Variants in PRPF39 observed in about 807,000 individuals in gnomAD.
PRPF39 encodes pre-mRNA-processing factor 39.
Under a neutral mutation model 82.1 loss-of-function variants are expected in PRPF39, and 27 were observed. That is an observed-to-expected ratio of 0.33 (90% confidence interval 0.24 to 0.45). The LOEUF (loss-of-function observed/expected upper bound fraction) is 0.45, where lower values mean the gene tolerates loss of function less well. PRPF39 is among the 20% of genes least tolerant of loss of function. The pLI is 1.00. For missense variants in PRPF39, 581 were observed against 796.9 expected, an observed-to-expected ratio of 0.73 and a Z score of 3.26; for synonymous variants, 261 against 256.4, an observed-to-expected ratio of 1.02 and a Z score of -0.17.
At chr14:45,096,745 C>A in intron 3 of PRPF39, 142 bp from the exon 4 acceptor site, 1 of 1,534,580 alleles carries the variant, frequency 6.5e-7, no homozygotes, top group Non-Finnish European at 8.8e-7. Context: ...TTCTATCCAA[C>A]CTCCACCCAA....
chr14:45,104,175 A>G (rs2139055696), intron 5 of PRPF39, among the ~76,000 whole-genome samples: 1 of 152,196 alleles, frequency 6.6e-6, no homozygotes, highest in Admixed American at 6.5e-5. Context: ...TAAATATCCC[A>G]CTAGGCTTTT....
Position 45,108,398 on chromosome 14 carries a change from C to A in PRPF39, c.904-17C>A. ...TACAGTTTGTGAGATTTATTTTTTT[C>A]CCTTTTTCTTCCCAAGCTAATTACA... On this transcript the variant is annotated splice_polypyrimidine_tract_variant and intron_variant, in intron 6 of 13. Transcript: ENST00000355765. 1.9e-6 allele frequency: 3 copies of A among 1,555,040 alleles called. No individual in the cohort carries two copies. Among genetic ancestry groups the A allele is most frequent in the Non-Finnish European group, 2.6e-6 (3 of 1,158,984 alleles).
chr14:45,098,128 A>G (rs1447138778), intron 4 of PRPF39, among the ~76,000 whole-genome samples: 2 of 152,082 alleles, frequency 1.3e-5, no homozygotes, highest in African/African-American at 2.4e-5. Context: ...TAAATCCATA[A>G]ATAAGGATGG....
At chr14:45,090,025 T>C (rs894091027) in intron 1 of PRPF39, among the ~76,000 whole-genome samples, 19 of 152,220 alleles carry the variant, frequency 1.2e-4, no homozygotes, top group African/African-American at 4.3e-4. Flanking sequence ...AAGAAACCCT[T>C]ATGTCTCACC....
intron 4 of PRPF39, among the ~76,000 whole-genome samples, chr14:45,097,409 C>CT (rs1183832520): frequency 2.6e-5 from 4 of 152,010 alleles, no homozygotes; most frequent in Non-Finnish European, 1.5e-5. Flanking sequence ...CCAAAGTACT[C>CT]TATTTCACCA....
chr14:45,102,650 C>T lies in PRPF39; in HGVS notation c.691C>T (p.Arg231Cys), dbSNP rs1240102889. ...GAGAGAAGTTACAGCTATATATGAT[C>T]GTATTCTTGGTATTCCAACACAGCT... ...NLREVTAIYD[R>C]ILGIPTQLYS... The change falls in exon 5 of 14, where the codon CGT becomes TGT. Residue 231 changes from arginine (R) to cysteine (C), a missense_variant. Arg to Cys is a radical substitution (Grantham distance 180). Transcript: ENST00000355765. 1 of 1,610,728 alleles carries T rather than the reference C, an allele frequency of 6.2e-7. No individual in the cohort carries two copies.
At chr14:45,106,177 C>T (rs1170188414) in intron 5 of PRPF39, among the ~76,000 whole-genome samples, 5 of 151,756 alleles carry the variant, frequency 3.3e-5, no homozygotes, top group African/African-American at 9.7e-5. Flanking sequence ...GGTGAAACCC[C>T]GTCTCTACTA....
chr14:45,111,874 G>C (rs956793776), intron 10 of PRPF39, among the ~76,000 whole-genome samples: 4 of 151,684 alleles, frequency 2.6e-5, no homozygotes, highest in Admixed American at 2.6e-4. Flanking sequence ...CAGACCTCAA[G>C]TGATCCTCCT....
At position 45,107,555 on chromosome 14, in the gene PRPF39, A is replaced by G; in HGVS notation, c.842A>G (p.Asp281Gly). ...GCTTCTGTAAATGGTCATAGTGGTG[A>G]TGATGGTCCTCCTGGTGATGATCTA... ...ELASVNGHSG[D>G]DGPPGDDLPS... Residue 281 changes from aspartate to glycine, a missense_variant, in exon 6 of 14, where the codon GAT (aspartate) becomes GGT (glycine). By Grantham distance (94) the Asp-to-Gly change is moderately conservative (BLOSUM62 -1). Transcript: ENST00000355765. 6.4e-7 allele frequency: 1 copy of G among 1,554,296 alleles called. No individual in the cohort carries two copies. Among genetic ancestry groups the G allele is most frequent in the Non-Finnish European group, 8.7e-7 (1 of 1,147,838 alleles).
rs546057050 is a variant in PRPF39, at chr14:45,084,238, A to G, written c.-31A>G. 1 of 153,096 alleles carries G rather than the reference A, an allele frequency of 6.5e-6. No individual in the cohort carries two copies. The highest frequency in any genetic ancestry group is 1.9e-4 in the East Asian group (1 of 5,188). 9.5% of individuals were successfully genotyped at this position (153,096 alleles called of 1,614,324 possible). ...GCTCCGGCTCATGGCATCAAGTGGCATCCATCATAAGGTCTGCTGGGGCGG... is the reference window on the plus strand; with the variant it reads ...GCTCCGGCTCATGGCATCAAGTGGCGTCCATCATAAGGTCTGCTGGGGCGG... On this transcript the variant is annotated 5_prime_UTR_variant, in exon 1 of 14. Coordinates refer to ENST00000355765, the MANE Select transcript of PRPF39 (RefSeq NM_017922.4).
intron 4 of PRPF39, among the ~76,000 whole-genome samples, chr14:45,101,565 A>C (rs1013150826): frequency 6.6e-6 from 1 of 151,696 alleles, no homozygotes; most frequent in Non-Finnish European, 1.5e-5. Flanking sequence ...TCCCAGGTTC[A>C]AGTGATTCTC....
intron 5 of PRPF39, among the ~76,000 whole-genome samples, chr14:45,103,374 T>C (rs1287607481): frequency 6.6e-6 from 1 of 152,170 alleles, no homozygotes; most frequent in Non-Finnish European, 1.5e-5. Flanking sequence ...ACTGTGTCTT[T>C]GCTTTTAAAT....
chr14:45,095,542 G>A lies in PRPF39; in HGVS notation c.303G>A (p.Leu101=). The change falls in exon 2 of 14, where the codon TTG becomes TTA. Residue 101 remains leucine, a synonymous_variant. Coordinates refer to ENST00000355765, the MANE Select transcript of PRPF39 (RefSeq NM_017922.4). ...AGGATTTTACAGGCTGGGTATATTT[G>A]CTTCAATATGTAGAACAGGAGGTTA... ...NPQDFTGWVY[L]LQYVEQENHL... The A allele has an allele frequency of 6.2e-7, 1 of 1,604,432 alleles. No homozygotes were observed. The highest frequency in any genetic ancestry group is 8.5e-7 in the Non-Finnish European group (1 of 1,175,062).
chr14:45,114,964 ATTT>A lies in PRPF39; in HGVS notation c.*57_*59del. 13 of 1,395,266 alleles carry A rather than the reference ATTT, an allele frequency of 9.3e-6. No individual in the cohort carries two copies. The highest frequency in any genetic ancestry group is 1.3e-5 in the Non-Finnish European group (13 of 985,330). The allele number at this position is 1,395,266 out of a possible 1,614,324, so 86.4% of individuals were successfully genotyped here. On this transcript the variant is annotated 3_prime_UTR_variant, in exon 14 of 14. Transcript: ENST00000355765. ...AGTGTGTGAAAAGTATGAAATTATTATTTTTTTTAATGAGGGATGTAAACAGTA... is the reference window on the plus strand; with the variant it reads ...AGTGTGTGAAAAGTATGAAATTATTATTTTTAATGAGGGATGTAAACAGTA...
chr14:45,089,087 A>T (rs1270562010), intron 1 of PRPF39, among the ~76,000 whole-genome samples: 2 of 152,156 alleles, frequency 1.3e-5, no homozygotes, highest in African/African-American at 4.8e-5. Context: ...TTATGCACAA[A>T]AGCTTTTAAA....
intron 3 of PRPF39, 56 bp from the exon 4 acceptor site, chr14:45,096,831 C>A: frequency 2.0e-6 from 3 of 1,535,264 alleles, no homozygotes; most frequent in Admixed American, 2.1e-5. Context: ...ACAGTGTTGC[C>A]TCTCTGTTAA....
intron 5 of PRPF39, among the ~76,000 whole-genome samples, chr14:45,103,541 TAGA>T (rs1884439626): frequency 6.6e-6 from 1 of 152,108 alleles, no homozygotes; most frequent in East Asian, 1.9e-4. Flanking sequence ...GTACCAAAAG[TAGA>T]AGACTTTTAT....
chr14:45,084,640 A>T (rs1883763882), intron 1 of PRPF39, among the ~76,000 whole-genome samples: 1 of 152,086 alleles, frequency 6.6e-6, no homozygotes, highest in Non-Finnish European at 1.5e-5. Context: ...TGGGAAGATA[A>T]TATACGTTCT....
intron 10 of PRPF39, 120 bp from the exon 11 acceptor site, chr14:45,112,198 G>GT: frequency 1.1e-6 from 1 of 897,266 alleles, no homozygotes; most frequent in Non-Finnish European, 1.6e-6. Flanking sequence ...AGCATGAGTT[G>GT]TATTTTAATA....
Sources: gnomAD v4.1 joint callset for allele counts (sites outside exome capture counted in the v4.1 genomes callset) on GRCh38, gnomAD v4.1.1 for gene constraint, MANE v1.5 for transcripts, NCBI Gene and HGNC (gene_info 2026-07-23, HGNC 2026-07-21) for gene names.